Variants in USP34 observed in about 807,000 individuals in gnomAD.
The protein encoded by USP34 is ubiquitin carboxyl-terminal hydrolase 34.
USP34 carries 70 observed loss-of-function variants against 460.3 expected under a neutral mutation model. The ratio of observed to expected loss-of-function variants is 0.15; its 90% CI spans 0.13 to 0.19. The LOEUF (loss-of-function observed/expected upper bound fraction) is 0.19, where lower values mean the gene tolerates loss of function less well. USP34 is among the 10% of genes least tolerant of loss of function. USP34 has a pLI of 1.00. For missense variants in USP34, 3,985 were observed against 4,236.2 expected, an observed-to-expected ratio of 0.94 and a Z score of 1.65; for synonymous variants, 1,647 against 1,405.3, an observed-to-expected ratio of 1.17 and a Z score of -3.85.
intron 5 of USP34, 24 bp downstream of exon 5, chr2:61,394,829 A>C: frequency 6.7e-7 from 1 of 1,483,758 alleles, no homozygotes; most frequent in Non-Finnish European, 8.9e-7. Flanking sequence ...CCCAAAATTA[A>C]GATCAATTCA....
intron 5 of USP34, among the ~76,000 whole-genome samples, chr2:61,387,674 TA>T (rs1180972104): frequency 7.0e-6 from 1 of 143,744 alleles, no homozygotes; most frequent in Non-Finnish European, 1.5e-5. Flanking sequence ...TGCACACATG[TA>T]AAAATATATT....
At position 61,375,596 on chromosome 2, in the gene USP34, C is replaced by T. The variant is rs369772929; in HGVS notation, c.1076+2767G>A. Among the ~76,000 whole-genome samples, 39 of 151,860 alleles carry T rather than the reference C, an allele frequency of 2.6e-4. 1 individual carries two copies. In the East Asian group the frequency reaches 4.5e-3, roughly 17 times the overall value. ...CATCCTGGCTAACACAGTGAAACCC[C>T]GTCTCTACTAAAAATACAAAAAATT... On this transcript the variant is annotated intron_variant, in intron 8 of 79. Coordinates refer to ENST00000398571, the MANE Select transcript of USP34 (RefSeq NM_014709.4).
chr2:61,360,337 G>T (rs1451414878), intron 10 of USP34, among the ~76,000 whole-genome samples: 1 of 151,998 alleles, frequency 6.6e-6, no homozygotes, highest in African/African-American at 2.4e-5. Flanking sequence ...ACTAATAAAT[G>T]AATACAGTAA....
Position 61,309,310 on chromosome 2 carries a change from C to G in USP34, c.3817+2230G>C, listed in dbSNP as rs967197938. Among the ~76,000 whole-genome samples the G allele has an allele frequency of 2.6e-5, 4 of 152,202 alleles. No individual in the cohort carries two copies. In the South Asian group the frequency reaches 8.3e-4, roughly 32 times the overall value. On this transcript the variant is annotated intron_variant, in intron 27 of 79. Coordinates refer to ENST00000398571, the MANE Select transcript of USP34 (RefSeq NM_014709.4). ...CACTGAATAGAACACTCCCTGTACT[C>G]CAGAAACACACACACAAAGACAACC... is the stretch of plus-strand genomic sequence containing the variant.
chr2:61,285,157 G>A lies in USP34; in HGVS notation c.4750-200C>T, dbSNP rs184789697. 1.1e-3 allele frequency among the ~76,000 whole-genome samples: 167 copies of A among 152,066 alleles called. 6 individuals carry two copies. The highest frequency in any genetic ancestry group is 9.9e-3 in the Admixed American group (151 of 15,264). On this transcript the variant is annotated intron_variant, in intron 34 of 79. Coordinates refer to ENST00000398571, the MANE Select transcript of USP34 (RefSeq NM_014709.4). The stretch of plus-strand genomic sequence containing the variant: ...AAATACTGTAAAAATGCCAAGAATC[G>A]GAAAACCAGAATTTTATAATCACAC...
chr2:61,413,764 G>C (rs967970376), intron 2 of USP34, among the ~76,000 whole-genome samples: 1 of 146,474 alleles, frequency 6.8e-6, no homozygotes, highest in Non-Finnish European at 1.5e-5. Flanking sequence ...GATTGCCTGA[G>C]CTCAGGAGCT....
intron 30 of USP34, among the ~76,000 whole-genome samples, chr2:61,296,399 C>A (rs1256174200): frequency 6.6e-6 from 1 of 152,160 alleles, no homozygotes; most frequent in Non-Finnish European, 1.5e-5. Flanking sequence ...GCCTCATTTT[C>A]TCCAATTTGG....
chr2:61,373,379 A>T (rs1352541447), intron 8 of USP34, among the ~76,000 whole-genome samples: 1 of 151,110 alleles, frequency 6.6e-6, no homozygotes, highest in Non-Finnish European at 1.5e-5. Context: ...TTTTTTTTTT[A>T]AAGATCCAAC....
At chr2:61,199,925 G>A (rs977353017) in intron 75 of USP34, 1 of 152,320 alleles carries the variant, frequency 6.6e-6, no homozygotes, top group Non-Finnish European at 1.5e-5. Context: ...TTTGAACTGT[G>A]AAGTATCTAT....
At chr2:61,197,503 A>G (rs1686843292) in intron 75 of USP34, among the ~76,000 whole-genome samples, 1 of 152,140 alleles carries the variant, frequency 6.6e-6, no homozygotes, top group African/African-American at 2.4e-5. Flanking sequence ...CAAAGCCCAT[A>G]AGCTTTTCAA....
chr2:61,210,054 GAATC>G (rs777915569), intron 69 of USP34, among the ~76,000 whole-genome samples: 3 of 152,102 alleles, frequency 2.0e-5, no homozygotes, highest in Non-Finnish European at 4.4e-5. Context: ...TACGATAGAA[GAATC>G]AAGAAGTTAA....
At chr2:61,383,774 T>C (rs930665416) in intron 5 of USP34, among the ~76,000 whole-genome samples, 2 of 152,124 alleles carry the variant, frequency 1.3e-5, no homozygotes, top group African/African-American at 4.8e-5. Context: ...GCCTCTATAA[T>C]TACATATATT....
At chr2:61,381,023 G>A (rs1692954312) in intron 6 of USP34, among the ~76,000 whole-genome samples, 1 of 152,052 alleles carries the variant, frequency 6.6e-6, no homozygotes, top group South Asian at 2.1e-4. Flanking sequence ...CTCGTTAAGA[G>A]TCATCACCAC....
intron 20 of USP34, among the ~76,000 whole-genome samples, chr2:61,328,381 T>C (rs902103367): frequency 1.2e-4 from 18 of 151,832 alleles, no homozygotes; most frequent in African/African-American, 3.6e-4. Flanking sequence ...AAAAATATCA[T>C]CTTTCATGCT....
intron 1 of USP34, among the ~76,000 whole-genome samples, chr2:61,433,894 A>G (rs1432174673): frequency 6.6e-6 from 1 of 152,144 alleles, no homozygotes; most frequent in East Asian, 1.9e-4. Context: ...CATCTTCATT[A>G]CACCAAGGCC....
At chr2:61,416,190 A>G (rs1244924298) in intron 2 of USP34, among the ~76,000 whole-genome samples, 3 of 152,242 alleles carry the variant, frequency 2.0e-5, no homozygotes, top group African/African-American at 2.4e-5. Context: ...TTGGTCCAAC[A>G]AATTTCTTGA....
intron 65 of USP34, 145 bp from the exon 66 acceptor site, chr2:61,221,751 G>T: frequency 7.7e-6 from 5 of 647,920 alleles, no homozygotes; most frequent in Non-Finnish European, 1.2e-5. Context: ...ATGTGAACCT[G>T]AACTACCATA....
intron 5 of USP34, among the ~76,000 whole-genome samples, chr2:61,389,781 C>T (rs1032392466): frequency 2.0e-5 from 3 of 151,902 alleles, no homozygotes; most frequent in African/African-American, 7.3e-5. Flanking sequence ...CTTCTCCCCA[C>T]CCCCTGCTTA....
intron 51 of USP34, among the ~76,000 whole-genome samples, chr2:61,242,654 A>C (rs1688302153): frequency 6.6e-6 from 1 of 152,168 alleles, no homozygotes; most frequent in African/African-American, 2.4e-5. Context: ...ACGAGAATTT[A>C]GTGGTGGGGC....
Sources: allele counts gnomAD v4.1 joint callset (sites outside exome capture counted in the v4.1 genomes callset), GRCh38; gene constraint gnomAD v4.1.1; transcripts MANE v1.5; gene names NCBI Gene and HGNC (gene_info 2026-07-23, HGNC 2026-07-21).